Variants in PHEX observed in about 807,000 individuals in gnomAD.
PHEX encodes phosphate-regulating neutral endopeptidase PHEX.
In PHEX, 16 loss-of-function variants were observed where a neutral mutation model predicts 68.0. The ratio of observed to expected loss-of-function variants is 0.24; its 90% CI spans 0.16 to 0.36. PHEX has a LOEUF of 0.36. PHEX is among the 10% of genes least tolerant of loss of function. The probability of loss-of-function intolerance (pLI) is 1.00; values close to 1 mark genes in which losing one functional copy is unlikely to be tolerated. For synonymous variants in PHEX, 208 were observed against 205.1 expected, an observed-to-expected ratio of 1.01 and a Z score of -0.12; for missense variants, 480 against 575.5, an observed-to-expected ratio of 0.83 and a Z score of 1.70.
At chrX:22,146,210 T>C (rs1196398725) in intron 12 of PHEX, among the ~76,000 whole-genome samples, 1 of 112,346 alleles carries the variant, frequency 8.9e-6, no homozygotes, top group Admixed American at 9.4e-5. Context: ...CAATGAACAG[T>C]ATATTGATTT....
At chrX:22,072,707 A>T (rs1357524085) in intron 3 of PHEX, among the ~76,000 whole-genome samples, 1 of 112,256 alleles carries the variant, frequency 8.9e-6, no homozygotes, top group African/African-American at 3.2e-5. Context: ...TAAGTATTTT[A>T]CCATAGAGGA....
intron 5 of PHEX, among the ~76,000 whole-genome samples, chrX:22,084,947 A>G (rs1228232030): frequency 2.7e-5 from 3 of 109,704 alleles, no homozygotes; most frequent in Non-Finnish European, 3.8e-5. Flanking sequence ...AACTTTTTTC[A>G]TTAATTTTTT....
intron 11 of PHEX, among the ~76,000 whole-genome samples, chrX:22,130,548 C>CA (rs35621431): frequency 0.048 from 1,366 of 28,386 alleles, 35 homozygotes; most frequent in African/African-American, 0.085. Flanking sequence ...GACTCATTCT[C>CA]AAAAAAAAAA....
chrX:22,209,955 ATAAAT>A (rs754422123), intron 15 of PHEX, among the ~76,000 whole-genome samples: 1 of 108,091 alleles, frequency 9.3e-6, no homozygotes, highest in Non-Finnish European at 1.9e-5. Context: ...AAAAAAAAAA[ATAAAT>A]AAATAAAAAT....
intron 5 of PHEX, among the ~76,000 whole-genome samples, chrX:22,089,209 A>G (rs772873097): frequency 9.0e-6 from 1 of 110,651 alleles, no homozygotes; most frequent in African/African-American, 3.3e-5. Context: ...TTTAGTAGAG[A>G]CTGGGTTTTA....
At chrX:22,069,976 T>C (rs1051360846) in intron 3 of PHEX, among the ~76,000 whole-genome samples, 2 of 111,745 alleles carry the variant, frequency 1.8e-5, no homozygotes, top group Admixed American at 1.9e-4. Flanking sequence ...TTAATACCCA[T>C]GCAGTGTGAG....
intron 12 of PHEX, among the ~76,000 whole-genome samples, chrX:22,137,192 G>A (rs754551213): frequency 8.9e-6 from 1 of 111,907 alleles, no homozygotes; most frequent in Non-Finnish European, 1.9e-5. Flanking sequence ...CAGATCAGGA[G>A]GAGCAACTTC....
intron 12 of PHEX, among the ~76,000 whole-genome samples, chrX:22,146,765 C>T (rs1932716624): frequency 9.0e-6 from 1 of 110,549 alleles, no homozygotes; most frequent in African/African-American, 3.3e-5. Flanking sequence ...TGCAGTGAGC[C>T]AAGATTGTGC....
intron 14 of PHEX, among the ~76,000 whole-genome samples, chrX:22,179,689 C>T (rs1051350203): frequency 8.1e-5 from 9 of 111,549 alleles, no homozygotes; most frequent in East Asian, 2.8e-4. Flanking sequence ...TCGGAATTTC[C>T]GTTTGTTTTT....
chrX:22,081,490 T>G (rs1278472876), intron 5 of PHEX, among the ~76,000 whole-genome samples: 1 of 111,918 alleles, frequency 8.9e-6, no homozygotes, highest in Non-Finnish European at 1.9e-5. Flanking sequence ...TCGAATTCAA[T>G]TTTCTTCGGT....
At chrX:22,236,734 A>G (rs1332162497) in intron 20 of PHEX, among the ~76,000 whole-genome samples, 1 of 112,238 alleles carries the variant, frequency 8.9e-6, no homozygotes, top group African/African-American at 3.2e-5. Context: ...AATCTTTACC[A>G]TCTGTCTCTT....
At chrX:22,087,123 T>A (rs1317431386) in intron 5 of PHEX, among the ~76,000 whole-genome samples, 2 of 112,343 alleles carry the variant, frequency 1.8e-5, no homozygotes, top group Non-Finnish European at 3.8e-5. Context: ...TCACTTGAAT[T>A]ATCTAAACTT....
At chrX:22,189,572 G>GA (rs34012972) in intron 14 of PHEX, among the ~76,000 whole-genome samples, 29 of 105,509 alleles carry the variant, frequency 2.7e-4, no homozygotes, top group African/African-American at 4.8e-4. Context: ...CCCTGTCTCT[G>GA]AAAAAAAAAA....
At chrX:22,036,981 C>A (rs1927053842) in intron 1 of PHEX, among the ~76,000 whole-genome samples, 1 of 107,394 alleles carries the variant, frequency 9.3e-6, no homozygotes, top group Admixed American at 1.0e-4. Context: ...TGCCTGTAGT[C>A]CCAGCTACTC....
intron 3 of PHEX, among the ~76,000 whole-genome samples, chrX:22,050,778 C>T (rs1339167618): frequency 9.0e-6 from 1 of 110,941 alleles, no homozygotes; most frequent in Non-Finnish European, 1.9e-5. Flanking sequence ...AAGAAAAATG[C>T]CTCTTTGCCA....
intron 15 of PHEX, among the ~76,000 whole-genome samples, chrX:22,210,538 A>G (rs1934886889): frequency 8.9e-6 from 1 of 112,008 alleles, no homozygotes; most frequent in Non-Finnish European, 1.9e-5. Context: ...GAGTTTTCAT[A>G]TAAACACTGT....
At chrX:22,173,257 C>T (rs943570644) in intron 13 of PHEX, among the ~76,000 whole-genome samples, 3 of 111,956 alleles carry the variant, frequency 2.7e-5, no homozygotes, top group African/African-American at 9.7e-5. Context: ...CACCCTGGTG[C>T]CCCCCAACCT....
intron 20 of PHEX, among the ~76,000 whole-genome samples, chrX:22,239,949 A>G (rs1222655464): frequency 9.0e-6 from 1 of 111,662 alleles, no homozygotes. Context: ...CAGATTTACC[A>G]AGGTTGAAAT....
chrX:22,089,976 G>A (rs1929807801), intron 5 of PHEX, among the ~76,000 whole-genome samples: 1 of 112,171 alleles, frequency 8.9e-6, no homozygotes, highest in South Asian at 3.7e-4. Flanking sequence ...TATACAGATT[G>A]GCATTTTGCA....
Sources: allele counts gnomAD v4.1 joint callset (sites outside exome capture counted in the v4.1 genomes callset), GRCh38; gene constraint gnomAD v4.1.1; transcripts MANE v1.5; gene names NCBI Gene and HGNC (gene_info 2026-07-23, HGNC 2026-07-21).